SLC31A1: variants seen among roughly 807,000 people sequenced by gnomAD.
SLC31A1 encodes high affinity copper uptake protein 1.
A neutral mutation model predicts 17.2 loss-of-function variants in SLC31A1; 5 were observed. That is an observed-to-expected ratio of 0.29 (90% CI 0.15 to 0.61). SLC31A1 has a LOEUF of 0.61. Among genes scored for constraint, SLC31A1 ranks in the 20% least tolerant of loss-of-function variants. The pLI, the probability that SLC31A1 is intolerant of heterozygous loss-of-function variation, is 0.86. For missense variants in SLC31A1, 161 were observed against 241.4 expected (o/e 0.67, Z 2.21); for synonymous variants, 76 against 78.8 (o/e 0.96, Z 0.19).
At chr9:113,248,462 C>T (rs1263406020) in intron 1 of SLC31A1, among the ~76,000 whole-genome samples, 7 of 86,558 alleles carry the variant, frequency 8.1e-5, no homozygotes, top group South Asian at 4.8e-4. Context: ...GAAAGCAGTC[C>T]TTTTTTTTTT....
At chr9:113,224,256 G>A (rs1314933153) in intron 1 of SLC31A1, among the ~76,000 whole-genome samples, 1 of 152,146 alleles carries the variant, frequency 6.6e-6, no homozygotes, top group Admixed American at 6.5e-5. Context: ...GAAAGAGCTT[G>A]CTAGCCCCTG....
At chr9:113,236,467 C>T (rs1831461309) in intron 1 of SLC31A1, among the ~76,000 whole-genome samples, 1 of 151,992 alleles carries the variant, frequency 6.6e-6, no homozygotes, top group African/African-American at 2.4e-5. Context: ...GGGTTCACGC[C>T]ATTCTCCTGC....
chr9:113,260,579 GTA>G lies in SLC31A1; in HGVS notation c.*107_*108del. ...TCCCTTCTTGCTCCTCTTTGTGCAC[GTA>G]CACACACACACACACACACACACAC... On this transcript the variant is annotated 3_prime_UTR_variant, in exon 5 of 5. Coordinates refer to ENST00000374212, the MANE Select transcript of SLC31A1 (RefSeq NM_001859.4). 3.1e-5 allele frequency: 18 copies of G among 590,058 alleles called. No homozygotes were observed. The highest frequency in any genetic ancestry group is 3.4e-5 in the Non-Finnish European group (12 of 352,592). 36.6% of individuals were successfully genotyped at this position (590,058 alleles called of 1,614,324 possible).
intron 1 of SLC31A1, among the ~76,000 whole-genome samples, chr9:113,244,613 AC>A (rs1305971731): frequency 3.3e-5 from 5 of 152,246 alleles, no homozygotes; most frequent in African/African-American, 1.2e-4. Context: ...CTCAGCCCCA[AC>A]ATTGCTATGA....
At chr9:113,223,325 C>T in intron 1 of SLC31A1, 1 of 334,570 alleles carries the variant, frequency 3.0e-6, no homozygotes, top group Non-Finnish European at 5.8e-6. Context: ...ACTGGGTGCA[C>T]CTAAAAAAAA....
chr9:113,250,952 A>G (rs1170257009), intron 1 of SLC31A1, among the ~76,000 whole-genome samples: 1 of 152,250 alleles, frequency 6.6e-6, no homozygotes, highest in East Asian at 1.9e-4. Context: ...GCACATGCCC[A>G]CTTGCCTTTC....
At chr9:113,222,787 G>T (rs1831298019) in intron 1 of SLC31A1, among the ~76,000 whole-genome samples, 1 of 152,206 alleles carries the variant, frequency 6.6e-6, no homozygotes, top group South Asian at 2.1e-4. Context: ...TGTTGCAGTA[G>T]CTCTGTTTAG....
rs41280227 is a variant in SLC31A1 at position 113,263,010 on chromosome 9, T to G, written c.*2537T>G. 0.14 allele frequency: 20,952 copies of G among 152,100 alleles called. 1,693 individuals carry two copies. Among genetic ancestry groups the G allele is most frequent in the East Asian group, 0.34 (1,731 of 5,158 alleles). 9.4% of individuals were successfully genotyped at this position (152,100 alleles called of 1,614,324 possible). A position where few individuals can be genotyped will look rare whatever the true frequency, so the allele number is the denominator to read the frequency against. On this transcript the variant is annotated 3_prime_UTR_variant, in exon 5 of 5. Transcript: ENST00000374212. ...TCCTATCTCTATAAAAAATCAAAAA[T>G]TAGCCAGGCATGGTGGTGCATACCT...
chr9:113,251,468 C>G lies in SLC31A1; in HGVS notation c.-35-4646C>G, dbSNP rs530226891. On this transcript the variant is annotated intron_variant, in intron 1 of 4. Coordinates refer to ENST00000374212, the MANE Select transcript of SLC31A1 (RefSeq NM_001859.4). Reference sequence around the variant, plus strand: ...AAAAATAGAGCAAAGATTGTATGACCCTGGATTTTAACTTATTGTTACATG... The same window carrying G: ...AAAAATAGAGCAAAGATTGTATGACGCTGGATTTTAACTTATTGTTACATG... 4.7e-4 allele frequency among the ~76,000 whole-genome samples: 71 copies of G among 151,828 alleles called. 1 individual carries two copies. The highest frequency in any genetic ancestry group is 3.5e-3 in the Admixed American group (54 of 15,224).
At chr9:113,247,708 T>C (rs527266572) in intron 1 of SLC31A1, among the ~76,000 whole-genome samples, 12 of 152,252 alleles carry the variant, frequency 7.9e-5, no homozygotes, top group Non-Finnish European at 1.6e-4. Context: ...TGAAAGCTGT[T>C]TGGAAAAATA....
At chr9:113,223,536 G>A (rs1831310180) in intron 1 of SLC31A1, among the ~76,000 whole-genome samples, 1 of 151,994 alleles carries the variant, frequency 6.6e-6, no homozygotes, top group Non-Finnish European at 1.5e-5. Flanking sequence ...GGTAAGTAAG[G>A]CACAACCTTG....
intron 1 of SLC31A1, among the ~76,000 whole-genome samples, chr9:113,240,318 A>G (rs907411958): frequency 2.0e-5 from 3 of 152,246 alleles, no homozygotes; most frequent in African/African-American, 7.2e-5. Context: ...ATTGAAACCT[A>G]CATGGATTTT....
intron 4 of SLC31A1, among the ~76,000 whole-genome samples, chr9:113,259,482 G>C (rs1831765210): frequency 6.6e-6 from 1 of 152,074 alleles, no homozygotes; most frequent in Non-Finnish European, 1.5e-5. Flanking sequence ...ACCTACCTAA[G>C]GTGGCACAGG....
rs1048480555 is a variant in SLC31A1, at chr9:113,221,602, C to A, written c.-112C>A. On this transcript the variant is annotated 5_prime_UTR_variant, in exon 1 of 5. Coordinates refer to ENST00000374212, the MANE Select transcript of SLC31A1 (RefSeq NM_001859.4). ...TCGAGCCGGGTAGAAGTGGAGGGGC[C>A]GTTCGAAGAGTCGTGAGGGGGTGAC... 5 of 398,698 alleles carry A rather than the reference C, an allele frequency of 1.3e-5. No individual in the cohort carries two copies. Among genetic ancestry groups the A allele is most frequent in the African/African-American group, 8.2e-5 (4 of 48,700 alleles). The allele number at this position is 398,698 out of a possible 1,614,324, so 24.7% of individuals were successfully genotyped here.
At chr9:113,255,442 A>G (rs1386649084) in intron 1 of SLC31A1, among the ~76,000 whole-genome samples, 1 of 152,228 alleles carries the variant, frequency 6.6e-6, no homozygotes, top group Admixed American at 6.5e-5. Context: ...CTGGTGGGGC[A>G]CAGTGGCTTA....
At chr9:113,256,322 T>C (rs764620497) in intron 2 of SLC31A1, 45 bp downstream of exon 2, 1 of 1,607,124 alleles carries the variant, frequency 6.2e-7, no homozygotes, top group South Asian at 1.1e-5. Flanking sequence ...CCCACCCACT[T>C]GGGTAATAGA....
At chr9:113,253,552 ATTTTTTTTT>A (rs71491085) in intron 1 of SLC31A1, among the ~76,000 whole-genome samples, 2 of 128,822 alleles carry the variant, frequency 1.6e-5, no homozygotes, top group African/African-American at 2.9e-5. Flanking sequence ...GAGCTCTGTA[ATTTTTTTTT>A]TTTTTTTTTT....
chr9:113,227,941 T>C (rs10513189), intron 1 of SLC31A1, among the ~76,000 whole-genome samples: 76,264 of 152,118 alleles, frequency 0.5, 19,432 homozygotes, highest in South Asian at 0.61. Context: ...TGTGACTTAG[T>C]TCCTTTCAGA....
intron 1 of SLC31A1, among the ~76,000 whole-genome samples, chr9:113,230,959 C>T (rs1436724798): frequency 6.6e-6 from 1 of 152,152 alleles, no homozygotes; most frequent in Non-Finnish European, 1.5e-5. Flanking sequence ...GAGCCTCCAT[C>T]CTTTCCATCT....
Sources: allele counts gnomAD v4.1 joint callset (sites outside exome capture counted in the v4.1 genomes callset), GRCh38; gene constraint gnomAD v4.1.1; transcripts MANE v1.5; gene names NCBI Gene and HGNC (gene_info 2026-07-23, HGNC 2026-07-21).